Variants in TNKS observed in about 807,000 individuals in gnomAD.
The protein encoded by TNKS is tankyrase, also known as poly [ADP-ribose] polymerase tankyrase-1.
TNKS carries 72 observed loss-of-function variants against 135.8 expected under a neutral mutation model. That is an observed-to-expected ratio of 0.53 (90% CI 0.44 to 0.64). The LOEUF (loss-of-function observed/expected upper bound fraction) is 0.64. Ranked by LOEUF, TNKS falls within the 30% of genes least tolerant of loss-of-function variation. The probability of loss-of-function intolerance (pLI) is 0.00; values close to 1 mark genes in which losing one functional copy is unlikely to be tolerated. For synonymous variants in TNKS, 849 were observed against 649.3 expected (o/e 1.31, Z -4.68); for missense variants, 1,769 against 1,674.0 (o/e 1.06, Z -0.99).
rs1164668010 is a variant in TNKS at position 9,726,646 on chromosome 8, A to G, written c.1927A>G (p.Thr643Ala). ...EAVQQILSES[T>A]PIRTSDVDYR... The stretch of plus-strand genomic sequence containing the variant: ...CTTTCCTTCCTTTTATGCAGAGAGT[A>G]CACCTATACGTACTTCTGATGTTGA... Residue 643 changes from threonine to alanine, a missense_variant, in exon 13 of 27, where the codon ACA (threonine) becomes GCA (alanine). Thr to Ala is a moderately conservative substitution (Grantham distance 58). This residue lies in a region of TNKS where 523 missense variants were observed against 541.0 expected (regional missense o/e 0.97). Transcript: ENST00000310430. 1.2e-6 allele frequency: 2 copies of G among 1,610,456 alleles called. No individual in the cohort carries two copies. The highest frequency in any genetic ancestry group is 1.7e-5 in the Admixed American group (1 of 59,636).
chr8:9,676,653 A>ACATAAG (rs998742445), intron 3 of TNKS, among the ~76,000 whole-genome samples: 1 of 150,980 alleles, frequency 6.6e-6, no homozygotes, highest in African/African-American at 2.4e-5. Flanking sequence ...GCTCTTTAAC[A>ACATAAG]CATAAGCCTC....
chr8:9,775,459 C>T (rs1443845330), intron 26 of TNKS, among the ~76,000 whole-genome samples: 1 of 80,614 alleles, frequency 1.2e-5, no homozygotes, highest in Non-Finnish European at 2.5e-5. Context: ...ATGAATGGTT[C>T]TATATATATA....
intron 3 of TNKS, among the ~76,000 whole-genome samples, chr8:9,657,291 G>T (rs1189332920): frequency 1.2e-5 from 1 of 85,244 alleles, no homozygotes; most frequent in Non-Finnish European, 2.7e-5. Flanking sequence ...GGCTGGCCGG[G>T]CGGGGGGCCG....
intron 16 of TNKS, 89 bp downstream of exon 16, chr8:9,735,173 A>T: frequency 7.6e-7 from 1 of 1,324,384 alleles, no homozygotes; most frequent in Non-Finnish European, 1.0e-6. Context: ...GCTGAACACA[A>T]ATGGGACTAC....
At chr8:9,696,629 A>T (rs1383342545) in intron 5 of TNKS, among the ~76,000 whole-genome samples, 1 of 152,150 alleles carries the variant, frequency 6.6e-6, no homozygotes, top group African/African-American at 2.4e-5. Flanking sequence ...CATGTACAAA[A>T]ATCAGTGGCA....
chr8:9,669,063 C>T (rs1449004576), intron 3 of TNKS, among the ~76,000 whole-genome samples: 5 of 151,948 alleles, frequency 3.3e-5, no homozygotes, highest in Admixed American at 1.3e-4. Flanking sequence ...TAGGGATTAG[C>T]TACAGGACTG....
At chr8:9,597,533 T>C (rs536093987) in intron 2 of TNKS, among the ~76,000 whole-genome samples, 1 of 152,244 alleles carries the variant, frequency 6.6e-6, no homozygotes, top group Non-Finnish European at 1.5e-5. Context: ...CATTGTAATT[T>C]AGATTCTTTT....
chr8:9,650,453 C>G (rs1245610142), intron 3 of TNKS, among the ~76,000 whole-genome samples: 1 of 152,128 alleles, frequency 6.6e-6, no homozygotes, highest in Non-Finnish European at 1.5e-5. Context: ...AAATTGTTCC[C>G]TTTTCACCAT....
At position 9,556,084 on chromosome 8, in the gene TNKS, A is replaced by T; in HGVS notation, c.145A>T (p.Thr49Ser). 6.2e-7 allele frequency: 1 copy of T among 1,604,168 alleles called. No individual in the cohort carries two copies. Among genetic ancestry groups the T allele is most frequent in the Non-Finnish European group, 8.5e-7 (1 of 1,176,108 alleles). ...LAPGTTPASP[T>S]ASGLAPFASP... ...CCCGGGGACCACCCCAGCCTCTCCC[A>T]CGGCCAGCGGCCTGGCCCCCTTCGC... The change falls in exon 1 of 27, where the codon ACG (threonine) becomes TCG (serine). Residue 49 changes from threonine to serine, a missense_variant. Around this residue, in one of 5 missense-constraint regions of TNKS, gnomAD observed 450 missense variants for 304.9 expected, o/e 1.48. Transcript: ENST00000310430.
chr8:9,772,104 G>A (rs896843002), intron 26 of TNKS, among the ~76,000 whole-genome samples: 2 of 147,286 alleles, frequency 1.4e-5, no homozygotes, highest in Admixed American at 6.7e-5. Flanking sequence ...GGAGAAACAG[G>A]GAAGGACGGG....
intron 1 of TNKS, among the ~76,000 whole-genome samples, chr8:9,573,401 C>G (rs1030878430): frequency 6.6e-6 from 1 of 152,178 alleles, no homozygotes; most frequent in African/African-American, 2.4e-5. Flanking sequence ...GTTTGCCTTA[C>G]TTGAACACAG....
chr8:9,763,346 C>G, intron 22 of TNKS, 102 bp downstream of exon 22: 1 of 663,294 alleles, frequency 1.5e-6, no homozygotes, highest in Non-Finnish European at 2.4e-6. Context: ...CGGTCACATG[C>G]CTATTAATCA....
At chr8:9,654,343 C>T (rs1014329688) in intron 3 of TNKS, among the ~76,000 whole-genome samples, 1 of 151,184 alleles carries the variant, frequency 6.6e-6, no homozygotes, top group Non-Finnish European at 1.5e-5. Context: ...CCTACTAGTA[C>T]TGCTAACTAA....
intron 3 of TNKS, among the ~76,000 whole-genome samples, chr8:9,656,089 G>A (rs902303543): frequency 6.6e-6 from 1 of 152,206 alleles, no homozygotes; most frequent in African/African-American, 2.4e-5. Flanking sequence ...AGAACTATGT[G>A]ACGAATGCAC....
At chr8:9,603,956 T>A (rs562528685) in intron 2 of TNKS, among the ~76,000 whole-genome samples, 13,039 of 151,926 alleles carry the variant, frequency 0.086, 587 homozygotes, top group South Asian at 0.18. Context: ...GAAACTCTTC[T>A]GTTAAAAAAA....
intron 17 of TNKS, chr8:9,741,794 T>G (rs372250180): frequency 4.2e-6 from 2 of 476,794 alleles, no homozygotes; most frequent in Non-Finnish European, 9.1e-6. Context: ...CACGTTCCCT[T>G]GAGGCTGACT....
At chr8:9,771,402 G>A (rs1489107934) in intron 26 of TNKS, among the ~76,000 whole-genome samples, 2 of 100,998 alleles carry the variant, frequency 2.0e-5, no homozygotes, top group African/African-American at 6.1e-5. Flanking sequence ...GGGAGGGAAA[G>A]AAAGGGAGAC....
intron 25 of TNKS, among the ~76,000 whole-genome samples, chr8:9,769,241 C>A (rs1807652452): frequency 6.6e-6 from 1 of 152,182 alleles, no homozygotes; most frequent in Non-Finnish European, 1.5e-5. Context: ...AACCAGATTG[C>A]AGGCTGGATT....
intron 11 of TNKS, among the ~76,000 whole-genome samples, chr8:9,718,308 A>G (rs764906701): frequency 2.0e-5 from 3 of 152,200 alleles, no homozygotes; most frequent in Non-Finnish European, 2.9e-5. Context: ...ACATGTTCAC[A>G]GTTAAAGGTG....
Sources: gnomAD v4.1 joint callset for allele counts (sites outside exome capture counted in the v4.1 genomes callset) on GRCh38, gnomAD v4.1.1 for gene constraint, gnomAD v4.1.1 regional missense constraint, MANE v1.5 for transcripts, NCBI Gene and HGNC (gene_info 2026-07-23, HGNC 2026-07-21) for gene names.